CMTM4: variants seen among roughly 807,000 people sequenced by gnomAD.
CMTM4 encodes the protein CKLF like MARVEL transmembrane domain containing 4.
In CMTM4, 8 loss-of-function variants were observed where a neutral mutation model predicts 19.0. The observed-to-expected ratio is 0.42, with a 90% CI of 0.25 to 0.76. The LOEUF is 0.76. Ranked by LOEUF, CMTM4 falls within the 30% of genes least tolerant of loss-of-function variation. CMTM4 has a pLI of 0.27. For missense variants in CMTM4, 228 were observed against 290.2 expected, an observed-to-expected ratio of 0.79 and a Z score of 1.56; for synonymous variants, 106 against 121.1, an observed-to-expected ratio of 0.88 and a Z score of 0.82.
chr16:66,610,452 G>C (rs1252625806), downstream of CMTM4, among the ~76,000 whole-genome samples: 1 of 152,204 alleles, frequency 6.6e-6, no homozygotes, highest in Non-Finnish European at 1.5e-5. The surrounding 1 kb of genome is among the most constrained non-coding windows in gnomAD (Gnocchi z 4.6). Flanking sequence ...CCCGTACCAG[G>C]GGAGGGGCCA....
chr16:66,619,621 C>T lies in CMTM4; in HGVS notation c.*2437G>A. ...AATATAAGAAAAATATAGGCGTCTTCATATTCACCTTGGATAACCCTATTC... is the reference window on the plus strand; with the variant it reads ...AATATAAGAAAAATATAGGCGTCTTTATATTCACCTTGGATAACCCTATTC... On this transcript the variant is annotated 3_prime_UTR_variant, in exon 4 of 4. Transcript: ENST00000394106. 4 of 985,340 alleles carry T rather than the reference C, an allele frequency of 4.1e-6. No individual in the cohort carries two copies. The highest frequency in any genetic ancestry group is 4.8e-6 in the Non-Finnish European group (4 of 829,922). The allele number at this position is 985,340 out of a possible 1,614,324, so 61.0% of individuals were successfully genotyped here.
chr16:66,674,732 C>CTTTTTTTTTT (rs771044359), intron 1 of CMTM4, among the ~76,000 whole-genome samples: 14 of 92,486 alleles, frequency 1.5e-4, no homozygotes, highest in East Asian at 3.6e-4. Context: ...GTTACATATT[C>CTTTTTTTTTT]TTTTTTTTTT....
intron 1 of CMTM4, among the ~76,000 whole-genome samples, chr16:66,695,446 A>G (rs2017215828): frequency 6.6e-6 from 1 of 152,160 alleles, no homozygotes; most frequent in Admixed American, 6.5e-5. Flanking sequence ...TGTGACAGAG[A>G]ATGTTGGGGG....
intron 2 of CMTM4, among the ~76,000 whole-genome samples, chr16:66,626,722 A>C (rs929421247): frequency 6.6e-6 from 1 of 151,788 alleles, no homozygotes; most frequent in African/African-American, 2.4e-5. Flanking sequence ...GTGAGCCCAG[A>C]TTGCGCCACT....
At chr16:66,608,260 C>T in the CMTM4 span, 1 of 1,606,060 alleles carries the variant, frequency 6.2e-7, no homozygotes, top group African/African-American at 1.3e-5. This position sits in a 1 kb window ranked among gnomAD's most constrained non-coding sequence, Gnocchi z 5.1. Context: ...GAGCACTGGA[C>T]AAGGAACATG....
chr16:66,601,622 G>T, the CMTM4 span, among the ~76,000 whole-genome samples: 1 of 152,250 alleles, frequency 6.6e-6, no homozygotes, highest in Non-Finnish European at 1.5e-5. Flanking sequence ...CAAAGGTGGG[G>T]CCTCAATGGG....
At chr16:66,674,732 C>CT (rs771044359) in intron 1 of CMTM4, among the ~76,000 whole-genome samples, 1,412 of 92,476 alleles carry the variant, frequency 0.015, 156 homozygotes, top group African/African-American at 0.035. Context: ...GTTACATATT[C>CT]TTTTTTTTTT....
At chr16:66,690,644 C>T (rs1360404746) in intron 1 of CMTM4, among the ~76,000 whole-genome samples, 1 of 152,138 alleles carries the variant, frequency 6.6e-6, no homozygotes, top group African/African-American at 2.4e-5. Context: ...TGCAAATACT[C>T]ACATTTGTTT....
intron 1 of CMTM4, among the ~76,000 whole-genome samples, chr16:66,639,826 T>C (rs2016066898): frequency 6.6e-6 from 1 of 152,040 alleles, no homozygotes. Flanking sequence ...CAGACCAGCA[T>C]GGCCAACATG....
intron 3 of CMTM4, among the ~76,000 whole-genome samples, chr16:66,623,169 C>T (rs1441023209): frequency 6.6e-6 from 1 of 152,362 alleles, no homozygotes; most frequent in East Asian, 1.9e-4. Flanking sequence ...ACATTTCTGA[C>T]TCAGTAGCTC....
chr16:66,683,484 G>C (rs1368574799), intron 1 of CMTM4, among the ~76,000 whole-genome samples: 3 of 150,214 alleles, frequency 2.0e-5, no homozygotes, highest in Non-Finnish European at 4.4e-5. Context: ...ATAGAGACAG[G>C]GTTTCACCAT....
At chr16:66,636,804 G>C (rs1300588967) in intron 1 of CMTM4, among the ~76,000 whole-genome samples, 1 of 152,202 alleles carries the variant, frequency 6.6e-6, no homozygotes. Flanking sequence ...TGTAAACAGT[G>C]AAGGCCCCAC....
chr16:66,624,226 G>A (rs2015692078), intron 2 of CMTM4, among the ~76,000 whole-genome samples: 1 of 152,212 alleles, frequency 6.6e-6, no homozygotes, highest in African/African-American at 2.4e-5. Context: ...GAACCATACA[G>A]GTGAAGAGCC....
intron 1 of CMTM4, among the ~76,000 whole-genome samples, chr16:66,681,046 A>T (rs897216051): frequency 2.6e-5 from 4 of 152,200 alleles, no homozygotes; most frequent in African/African-American, 9.6e-5. Flanking sequence ...GCCATATTTT[A>T]AAACGTAAAA....
At chr16:66,637,242 CAAT>C (rs1290368722) in intron 1 of CMTM4, among the ~76,000 whole-genome samples, 2 of 152,074 alleles carry the variant, frequency 1.3e-5, no homozygotes, top group Non-Finnish European at 2.9e-5. Flanking sequence ...AGAAATCTAC[CAAT>C]AATAGAATAA....
chr16:66,635,025 AC>A (rs1365091566), intron 2 of CMTM4, among the ~76,000 whole-genome samples: 1 of 152,240 alleles, frequency 6.6e-6, no homozygotes, highest in Non-Finnish European at 1.5e-5. Context: ...CCTCAGGAAC[AC>A]TAGGCAAGTA....
At chr16:66,683,199 A>ATATATACGTATATATATATGTATG (rs2016970117) in intron 1 of CMTM4, among the ~76,000 whole-genome samples, 2 of 126,254 alleles carry the variant, frequency 1.6e-5, no homozygotes, top group East Asian at 5.3e-4. Context: ...ATATACATAT[A>ATATATACGTATATATATATGTATG]TATATATATA....
the CMTM4 span, among the ~76,000 whole-genome samples, chr16:66,602,827 A>G: frequency 6.6e-6 from 1 of 152,182 alleles, no homozygotes. Flanking sequence ...AATTATAGGC[A>G]TGGGCCACTG....
At chr16:66,637,796 C>T (rs1335622685) in intron 1 of CMTM4, among the ~76,000 whole-genome samples, 1 of 152,206 alleles carries the variant, frequency 6.6e-6, no homozygotes. Context: ...CATCTGAAGC[C>T]TATGCCGCTG....
Sources: allele counts gnomAD v4.1 joint callset (sites outside exome capture counted in the v4.1 genomes callset), GRCh38; gene constraint gnomAD v4.1.1; non-coding constraint Gnocchi (gnomAD v3.1); transcripts MANE v1.5; gene names NCBI Gene and HGNC (gene_info 2026-07-23, HGNC 2026-07-21).